The following PDE8B variants were observed in gnomAD, a reference collection of about 807,000 sequenced individuals.
PDE8B encodes high affinity cAMP-specific and IBMX-insensitive 3',5'-cyclic phosphodiesterase 8B.
A neutral mutation model predicts 101.3 loss-of-function variants in PDE8B; 26 were observed. The observed-to-expected ratio is 0.26, with a 90% CI of 0.19 to 0.36. The LOEUF (loss-of-function observed/expected upper bound fraction) is 0.36. PDE8B is among the 10% of genes least tolerant of loss of function. The probability of loss-of-function intolerance (pLI) is 1.00; values close to 1 mark genes in which losing one functional copy is unlikely to be tolerated. For missense variants in PDE8B, 810 were observed against 1,163.1 expected, an observed-to-expected ratio of 0.70 and a Z score of 4.42; for synonymous variants, 424 against 429.3, an observed-to-expected ratio of 0.99 and a Z score of 0.15.
chr5:77,356,674 C>T (rs1782162539), intron 10 of PDE8B, among the ~76,000 whole-genome samples: 1 of 152,182 alleles, frequency 6.6e-6, no homozygotes, highest in Non-Finnish European at 1.5e-5. Flanking sequence ...AGGTGATCCA[C>T]CTGCCTCAGC....
At chr5:77,312,105 CTT>C (rs11395504) in intron 2 of PDE8B, 52 bp downstream of exon 2, 5,903 of 859,518 alleles carry the variant, frequency 6.9e-3, no homozygotes, top group Non-Finnish European at 8.1e-3. Context: ...TTTTTTTTTT[CTT>C]TTTTTTTTTT....
chr5:77,163,423 G>C, the PDE8B span, among the ~76,000 whole-genome samples: 7 of 152,144 alleles, frequency 4.6e-5, no homozygotes, highest in African/African-American at 1.7e-4. Context: ...ATAAATTTAA[G>C]GTGTTATTAT....
the PDE8B span, chr5:77,139,315 T>C: frequency 6.6e-6 from 1 of 152,246 alleles, no homozygotes; most frequent in Non-Finnish European, 1.5e-5. Context: ...TGACTACCAA[T>C]GTGTGAGTAA....
chr5:77,374,356 A>G (rs1159104537), intron 10 of PDE8B, among the ~76,000 whole-genome samples: 4 of 152,186 alleles, frequency 2.6e-5, no homozygotes, highest in Admixed American at 6.5e-5. Context: ...TTAGTCCACT[A>G]ACAGCTAATG....
intron 16 of PDE8B, among the ~76,000 whole-genome samples, chr5:77,412,744 T>G (rs1013724876): frequency 1.3e-5 from 2 of 152,106 alleles, no homozygotes; most frequent in Non-Finnish European, 2.9e-5. Flanking sequence ...CCAAGCTGTT[T>G]TTTTTTGTCC....
At chr5:77,396,440 T>A (rs1791075119) in intron 10 of PDE8B, among the ~76,000 whole-genome samples, 1 of 152,198 alleles carries the variant, frequency 6.6e-6, no homozygotes, top group Non-Finnish European at 1.5e-5. Flanking sequence ...CACTTTTCCT[T>A]ATTGGTTTGC....
intron 1 of PDE8B, among the ~76,000 whole-genome samples, chr5:77,235,646 A>G (rs898093925): frequency 2.6e-5 from 4 of 152,114 alleles, no homozygotes; most frequent in East Asian, 1.9e-4. Flanking sequence ...CATTCATTCA[A>G]TGCATCTTGA....
chr5:77,265,257 A>G (rs1459824852), intron 1 of PDE8B, among the ~76,000 whole-genome samples: 1 of 152,222 alleles, frequency 6.6e-6, no homozygotes, highest in African/African-American at 2.4e-5. Context: ...TGTTGGCACA[A>G]TAAATACCTG....
chr5:77,137,828 G>T, the PDE8B span, among the ~76,000 whole-genome samples: 10 of 152,264 alleles, frequency 6.6e-5, no homozygotes, highest in Middle Eastern at 6.8e-3. Flanking sequence ...AAGCCAAGGA[G>T]AGACTTTTTT....
the PDE8B span, among the ~76,000 whole-genome samples, chr5:77,183,051 C>T: frequency 6.6e-6 from 1 of 151,562 alleles, no homozygotes; most frequent in African/African-American, 2.4e-5. Flanking sequence ...TTGGACTAAG[C>T]TCTTTATGTA....
chr5:77,170,506 G>T, the PDE8B span, among the ~76,000 whole-genome samples: 1 of 152,184 alleles, frequency 6.6e-6, no homozygotes, highest in Non-Finnish European at 1.5e-5. Context: ...AGTGACATCT[G>T]AGCCAAGCCT....
the PDE8B span, among the ~76,000 whole-genome samples, chr5:77,184,236 G>A: frequency 6.6e-6 from 1 of 152,170 alleles, no homozygotes; most frequent in African/African-American, 2.4e-5. Flanking sequence ...AAAGTACTGG[G>A]ATTACAGGTG....
intron 1 of PDE8B, among the ~76,000 whole-genome samples, chr5:77,239,532 G>A: frequency 6.6e-6 from 1 of 152,128 alleles, no homozygotes; most frequent in Non-Finnish European, 1.5e-5. Context: ...CTGATATCTG[G>A]CCACCTTTCT....
the PDE8B span, among the ~76,000 whole-genome samples, chr5:77,159,681 C>T: frequency 6.6e-6 from 1 of 152,206 alleles, no homozygotes; most frequent in Non-Finnish European, 1.5e-5. Flanking sequence ...AGCCCCTGCT[C>T]TCCAGCAGTG....
At chr5:77,422,931 G>T (rs146591973) in intron 20 of PDE8B, among the ~76,000 whole-genome samples, 9 of 152,310 alleles carry the variant, frequency 5.9e-5, no homozygotes. Context: ...GTATATTGCT[G>T]ATGCTGAGGT....
intron 2 of PDE8B, among the ~76,000 whole-genome samples, chr5:77,319,217 G>A (rs1205984586): frequency 6.6e-6 from 1 of 152,242 alleles, no homozygotes; most frequent in African/African-American, 2.4e-5. Context: ...TTACATCAGT[G>A]TTTTAACTGT....
chr5:77,206,500 G>A (rs71632909), upstream of PDE8B, among the ~76,000 whole-genome samples: 3,450 of 152,248 alleles, frequency 0.023, 67 homozygotes, highest in Non-Finnish European at 0.035. Flanking sequence ...AGGAGGTGAG[G>A]AAGTTAGCCT....
the PDE8B span, among the ~76,000 whole-genome samples, chr5:77,103,870 A>C: frequency 6.6e-6 from 1 of 152,192 alleles, no homozygotes; most frequent in African/African-American, 2.4e-5. Flanking sequence ...AAGGAGTTAC[A>C]CTTAGAGTTA....
chr5:77,404,583 C>A, intron 11 of PDE8B, 137 bp from the exon 12 acceptor site: 1 of 625,204 alleles, frequency 1.6e-6, no homozygotes, highest in Non-Finnish European at 2.8e-6. Flanking sequence ...AAGTGGTTGA[C>A]TGTTTCTTAA....
Sources: allele counts gnomAD v4.1 joint callset (sites outside exome capture counted in the v4.1 genomes callset), GRCh38; gene constraint gnomAD v4.1.1; transcripts MANE v1.5; gene names NCBI Gene and HGNC (gene_info 2026-07-23, HGNC 2026-07-21).